The following NELL1 variants were observed in gnomAD, a reference collection of about 807,000 sequenced individuals.
The protein encoded by NELL1 is protein kinase C-binding protein NELL1.
Under a neutral mutation model 107.4 loss-of-function variants are expected in NELL1, and 76 were observed. The observed-to-expected ratio is 0.71, with a 90% CI of 0.59 to 0.86. The LOEUF (loss-of-function observed/expected upper bound fraction) is 0.86. NELL1 is among the 40% of genes least tolerant of loss of function. The pLI, the probability that NELL1 is intolerant of heterozygous loss-of-function variation, is 0.00. For synonymous variants in NELL1, 353 were observed against 341.2 expected, an observed-to-expected ratio of 1.03 and a Z score of -0.38; for missense variants, 1,024 against 1,005.5, an observed-to-expected ratio of 1.02 and a Z score of -0.25.
chr11:20,779,457 G>A (rs1173398833), intron 2 of NELL1, among the ~76,000 whole-genome samples: 1 of 152,036 alleles, frequency 6.6e-6, no homozygotes, highest in African/African-American at 2.4e-5. Flanking sequence ...TGTCCCATTT[G>A]TTTTTCCTGT....
intron 12 of NELL1, among the ~76,000 whole-genome samples, chr11:21,086,444 A>G (rs1342189982): frequency 6.6e-6 from 1 of 152,184 alleles, no homozygotes; most frequent in East Asian, 1.9e-4. Flanking sequence ...GGTAGGTAGC[A>G]TTGGTAGAAG....
chr11:21,224,440 C>T (rs897652163), intron 13 of NELL1, among the ~76,000 whole-genome samples: 1 of 150,898 alleles, frequency 6.6e-6, no homozygotes, highest in Admixed American at 6.6e-5. Flanking sequence ...CTTCCTCACT[C>T]TGGTCTCAAA....
intron 13 of NELL1, among the ~76,000 whole-genome samples, chr11:21,169,063 G>A (rs759727104): frequency 1.3e-4 from 19 of 151,926 alleles, no homozygotes; most frequent in East Asian, 9.7e-4. Context: ...TCAGAAACCC[G>A]GGATTGCCTG....
chr11:20,870,972 A>T (rs1849184503), intron 4 of NELL1, among the ~76,000 whole-genome samples: 1 of 152,252 alleles, frequency 6.6e-6, no homozygotes, highest in Non-Finnish European at 1.5e-5. Context: ...CTCTGTAAAC[A>T]TTATTAAAAA....
chr11:20,998,060 C>T (rs1852130629), intron 12 of NELL1, among the ~76,000 whole-genome samples: 2 of 152,134 alleles, frequency 1.3e-5, no homozygotes, highest in African/African-American at 4.8e-5. Flanking sequence ...AAGCAAAATG[C>T]AAACTATTAT....
intron 15 of NELL1, among the ~76,000 whole-genome samples, chr11:21,529,327 A>G (rs1475442332): frequency 6.6e-6 from 1 of 152,216 alleles, no homozygotes; most frequent in Non-Finnish European, 1.5e-5. Flanking sequence ...GCTCAGCCAC[A>G]TGACCTTACA....
rs1450154684 is a variant in NELL1 at position 21,090,828 on chromosome 11, A to G, written c.1301-22761A>G. Among the ~76,000 whole-genome samples, 3 of 152,186 alleles carry G rather than the reference A, an allele frequency of 2.0e-5. No homozygotes were observed. The East Asian group carries it at 5.8e-4, about 29-fold the overall frequency. On this transcript the variant is annotated intron_variant, in intron 12 of 19. Coordinates refer to ENST00000357134, the MANE Select transcript of NELL1 (RefSeq NM_006157.5). The stretch of plus-strand genomic sequence containing the variant: ...TATAGGACATATATGATTTTTCTTA[A>G]TCAACTGTCCTATTATTGGATATAA...
chr11:21,516,997 C>T (rs1855583234), intron 15 of NELL1, among the ~76,000 whole-genome samples: 2 of 152,010 alleles, frequency 1.3e-5, no homozygotes, highest in Admixed American at 1.3e-4. Flanking sequence ...ACCATGTTGG[C>T]CAGGCTGGTT....
At chr11:20,753,549 T>C (rs1321733623) in intron 2 of NELL1, among the ~76,000 whole-genome samples, 1 of 152,082 alleles carries the variant, frequency 6.6e-6, no homozygotes, top group East Asian at 1.9e-4. Context: ...GTAATTTGTA[T>C]TTTTAGGTGC....
chr11:21,510,701 A>T (rs1855413875), intron 15 of NELL1, among the ~76,000 whole-genome samples: 1 of 152,058 alleles, frequency 6.6e-6, no homozygotes, highest in African/African-American at 2.4e-5. Flanking sequence ...AACTCTATTA[A>T]GAGTTCCTTA....
intron 13 of NELL1, among the ~76,000 whole-genome samples, chr11:21,220,681 A>G (rs1368403249): frequency 6.6e-6 from 1 of 152,024 alleles, no homozygotes; most frequent in Non-Finnish European, 1.5e-5. Context: ...TTTGTTGCTG[A>G]TGTATAGAAA....
At chr11:21,480,326 C>T (rs1281038517) in intron 15 of NELL1, among the ~76,000 whole-genome samples, 2 of 152,094 alleles carry the variant, frequency 1.3e-5, no homozygotes, top group African/African-American at 4.8e-5. Context: ...CACAAATTGT[C>T]TCTCTGTTCT....
At chr11:21,558,744 C>T (rs1415126409) in intron 16 of NELL1, among the ~76,000 whole-genome samples, 2 of 151,970 alleles carry the variant, frequency 1.3e-5, no homozygotes, top group African/African-American at 4.8e-5. Flanking sequence ...TGTAAAATGA[C>T]TAATACATGG....
intron 2 of NELL1, among the ~76,000 whole-genome samples, chr11:20,703,790 C>G (rs1854863459): frequency 6.6e-6 from 1 of 152,174 alleles, no homozygotes; most frequent in South Asian, 2.1e-4. Context: ...GCAGGTTGTT[C>G]AGTTTCCATG....
At chr11:21,568,304 T>G (rs1857019292) in intron 17 of NELL1, among the ~76,000 whole-genome samples, 1 of 151,830 alleles carries the variant, frequency 6.6e-6, no homozygotes, top group South Asian at 2.1e-4. Flanking sequence ...TATAGAACAC[T>G]TACCATGAAT....
At chr11:20,746,419 C>T (rs1463244589) in intron 2 of NELL1, among the ~76,000 whole-genome samples, 1 of 152,188 alleles carries the variant, frequency 6.6e-6, no homozygotes, top group Non-Finnish European at 1.5e-5. Flanking sequence ...AACTTAACCA[C>T]TCCAACCTCA....
At chr11:21,265,954 C>A (rs1848625335) in intron 14 of NELL1, among the ~76,000 whole-genome samples, 1 of 152,022 alleles carries the variant, frequency 6.6e-6, no homozygotes, top group African/African-American at 2.4e-5. Flanking sequence ...ATAAATCCTT[C>A]CTTTCAGCCA....
At chr11:21,349,049 A>G (rs995986648) in intron 14 of NELL1, among the ~76,000 whole-genome samples, 2 of 152,162 alleles carry the variant, frequency 1.3e-5, no homozygotes, top group African/African-American at 2.4e-5. Context: ...AACACTAATG[A>G]GATGTAGAGG....
intron 15 of NELL1, among the ~76,000 whole-genome samples, chr11:21,494,120 A>G (rs767323582): frequency 8.6e-5 from 13 of 152,042 alleles, no homozygotes; most frequent in Non-Finnish European, 1.6e-4. Context: ...AATGTATTTA[A>G]TAATTTTTAG....
Sources: gnomAD v4.1 joint callset for allele counts (sites outside exome capture counted in the v4.1 genomes callset) on GRCh38, gnomAD v4.1.1 for gene constraint, MANE v1.5 for transcripts, NCBI Gene and HGNC (gene_info 2026-07-23, HGNC 2026-07-21) for gene names.